Variants in TRIM3 observed in about 807,000 individuals in gnomAD.
TRIM3 encodes the protein tripartite motif-containing protein 3.
A neutral mutation model predicts 66.6 loss-of-function variants in TRIM3; 13 were observed. The ratio of observed to expected loss-of-function variants is 0.20; its 90% CI spans 0.13 to 0.31. TRIM3 has a LOEUF of 0.31. Among genes scored for constraint, TRIM3 ranks in the 10% least tolerant of loss-of-function variants. The pLI is 1.00. For missense variants in TRIM3, 711 were observed against 1,020.4 expected (o/e 0.70, Z 4.13); for synonymous variants, 406 against 411.7 (o/e 0.99, Z 0.17).
chr11:6,472,882 GCAAATCATCCC>G (rs1850745156), intron 1 of TRIM3, among the ~76,000 whole-genome samples: 1 of 152,176 alleles, frequency 6.6e-6, no homozygotes, highest in Non-Finnish European at 1.5e-5. Context: ...CAATTCTGCA[GCAAATCATCCC>G]CTGCTTAGGG....
In TRIM3 at chr11:6,473,853, C is replaced by A; in HGVS notation, c.-100G>T. 6.6e-6 allele frequency: 1 copy of A among 152,418 alleles called. No individual in the cohort carries two copies. The highest frequency in any genetic ancestry group is 2.0e-4 in the South Asian group (1 of 5,058). 9.4% of individuals were successfully genotyped at this position (152,418 alleles called of 1,614,324 possible). A position where few individuals can be genotyped will look rare whatever the true frequency, so the allele number is the denominator to read the frequency against. Reference sequence around the variant, plus strand: ...CGGCCACTCTGAAGGGCCCGCGGCGCTGCTACTGCTGCCAGCGCCCGTCCG... The same window carrying A: ...CGGCCACTCTGAAGGGCCCGCGGCGATGCTACTGCTGCCAGCGCCCGTCCG... On this transcript the variant is annotated 5_prime_UTR_variant, in exon 1 of 12. Coordinates refer to ENST00000345851, the MANE Select transcript of TRIM3 (RefSeq NM_033278.4).
chr11:6,453,608 G>A (rs998358079), intron 7 of TRIM3, among the ~76,000 whole-genome samples: 1 of 152,258 alleles, frequency 6.6e-6, no homozygotes, highest in African/African-American at 2.4e-5. Flanking sequence ...TGAGAAGAAT[G>A]TGATTTAACA....
intron 1 of TRIM3, among the ~76,000 whole-genome samples, chr11:6,468,825 G>A (rs574868603): frequency 7.9e-5 from 12 of 152,192 alleles, no homozygotes; most frequent in Admixed American, 2.0e-4. Flanking sequence ...TGTGCTGTTG[G>A]ATGCATTATG....
At chr11:6,468,799 C>T (rs1299821418) in intron 1 of TRIM3, among the ~76,000 whole-genome samples, 1 of 152,166 alleles carries the variant, frequency 6.6e-6, no homozygotes, top group Non-Finnish European at 1.5e-5. Flanking sequence ...ATGAATAGGA[C>T]CAGGTCACCA....
At chr11:6,455,028 T>A (rs1436572288) in intron 7 of TRIM3, among the ~76,000 whole-genome samples, 1 of 152,162 alleles carries the variant, frequency 6.6e-6, no homozygotes, top group East Asian at 1.9e-4. Flanking sequence ...AATTACAATC[T>A]GACCTCAGCT....
rs761434194 is a variant in TRIM3 at position 6,457,846 on chromosome 11, G to A, written c.365C>T (p.Thr122Met). ...ACAGGCCTCACAGTAAAACTCCATC[G>A]TCTGCGGTACAAGGACTCCAGTCGG... is the stretch of plus-strand genomic sequence containing the variant. ...PLSCPNHEGKTMEFYCEACET... is the reference protein window; with the variant it reads ...PLSCPNHEGKMMEFYCEACET... Residue 122 changes from threonine (T) to methionine (M), a missense_variant and splice_region_variant, in exon 4 of 12, where the codon ACG (threonine) becomes ATG (methionine). Thr to Met is a moderately conservative substitution (Grantham distance 81). This residue lies in a region of TRIM3 where 149 missense variants were observed against 240.3 expected (regional missense o/e 0.62). Coordinates refer to ENST00000345851, the MANE Select transcript of TRIM3 (RefSeq NM_033278.4). This position sits in a 1 kb window ranked among gnomAD's most constrained non-coding sequence, Gnocchi z 4.5. The A allele has an allele frequency of 1.8e-5, 29 of 1,614,032 alleles. No homozygotes were observed. Among genetic ancestry groups the A allele is most frequent in the East Asian group, 6.7e-5 (3 of 44,900 alleles).
Position 6,450,660 on chromosome 11 carries a change from A to T in TRIM3, c.1871-39T>A. On this transcript the variant is annotated intron_variant, in intron 9 of 11. Coordinates refer to ENST00000345851, the MANE Select transcript of TRIM3 (RefSeq NM_033278.4). This position sits in a 1 kb window ranked among gnomAD's most constrained non-coding sequence, Gnocchi z 4.8. The stretch of plus-strand genomic sequence containing the variant: ...GTGGTCTTCAGGGCAGTAAGCTGGG[A>T]TGCTGAGTGGGATGGGGAAGAGTAT... The T allele has an allele frequency of 6.3e-7, 1 of 1,591,088 alleles. No individual in the cohort carries two copies. The highest frequency in any genetic ancestry group is 1.1e-5 in the South Asian group (1 of 90,602).
At chr11:6,462,085 A>T (rs1850268167) in intron 2 of TRIM3, among the ~76,000 whole-genome samples, 1 of 152,158 alleles carries the variant, frequency 6.6e-6, no homozygotes, top group South Asian at 2.1e-4. Context: ...TGCCTGGAAC[A>T]ATCTGTCTCC....
In TRIM3 at chr11:6,456,915, G is replaced by T. The variant is rs750762527; in HGVS notation, c.811C>A (p.Arg271Ser). 4 of 1,611,680 alleles carry T rather than the reference G, an allele frequency of 2.5e-6. No homozygotes were observed. The highest frequency in any genetic ancestry group is 3.4e-6 in the Non-Finnish European group (4 of 1,179,976). ...GCCAGCCGCTCTCGCATGTGCTTGCGCACCAGCAACACCTCCGGGGCCGAG... is the reference window on the plus strand; with the variant it reads ...GCCAGCCGCTCTCGCATGTGCTTGCTCACCAGCAACACCTCCGGGGCCGAG... Reference protein sequence around the residue: ...LGSAPEVLLVRKHMRERLAAL... With the variant: ...LGSAPEVLLVSKHMRERLAAL... Residue 271 changes from arginine (R) to serine (S), a missense_variant, in exon 6 of 12, where the codon CGC (arginine) becomes AGC (serine). Transcript: ENST00000345851. This position sits in a 1 kb window ranked among gnomAD's most constrained non-coding sequence, Gnocchi z 6.4.
At chr11:6,459,211 A>G (rs956323873) in intron 2 of TRIM3, among the ~76,000 whole-genome samples, 3 of 152,218 alleles carry the variant, frequency 2.0e-5, no homozygotes, top group African/African-American at 7.2e-5. Context: ...AGCAAGAAGC[A>G]GCATAGTATG....
intron 1 of TRIM3, among the ~76,000 whole-genome samples, chr11:6,468,148 A>T (rs1339995110): frequency 6.6e-6 from 1 of 152,230 alleles, no homozygotes; most frequent in Non-Finnish European, 1.5e-5. Flanking sequence ...TAAAAGAGAA[A>T]TCCAAAGGAC....
In TRIM3 at chr11:6,468,656, G is replaced by A. The variant is rs570298478; in HGVS notation, c.-37-2924C>T. Among the ~76,000 whole-genome samples the A allele has an allele frequency of 3.3e-4, 51 of 152,276 alleles. 1 individual carries two copies. Among genetic ancestry groups the A allele is most frequent in the African/African-American group, 1.2e-3 (48 of 41,540 alleles). The stretch of plus-strand genomic sequence containing the variant: ...AGATTTGGCTGTGGTGGGGTGGCAG[G>A]GGCAGAAGCCACGTCAGAGTGACTG... On this transcript the variant is annotated intron_variant, in intron 1 of 11. Transcript: ENST00000345851.
chr11:6,464,581 T>A lies in TRIM3; in HGVS notation c.131+984A>T, dbSNP rs187684985. 2.2e-4 allele frequency among the ~76,000 whole-genome samples: 33 copies of A among 152,334 alleles called. 1 individual carries two copies. The highest frequency in any genetic ancestry group is 1.9e-3 in the East Asian group (10 of 5,182). On this transcript the variant is annotated intron_variant, in intron 2 of 11. Coordinates refer to ENST00000345851, the MANE Select transcript of TRIM3 (RefSeq NM_033278.4). ...CACTATACTGTTAGCTCTTTAAGAG[T>A]AAGCATTGTAAGTGATGGATACCTT...
At chr11:6,473,422 G>T (rs994302881) in intron 1 of TRIM3, among the ~76,000 whole-genome samples, 2 of 151,620 alleles carry the variant, frequency 1.3e-5, no homozygotes, top group Non-Finnish European at 2.9e-5. Flanking sequence ...GCACCAGGGA[G>T]AAAAGAGCCC....
intron 1 of TRIM3, 103 bp downstream of exon 1, chr11:6,473,682 GAGGCAC>G (rs1850802412): frequency 6.6e-6 from 1 of 152,502 alleles, no homozygotes; most frequent in South Asian, 2.1e-4. Flanking sequence ...TGGGCAGAGA[GAGGCAC>G]AGCTTTTGAA....
At position 6,449,650 on chromosome 11, in the gene TRIM3, T is replaced by C. The variant is rs1849640874; in HGVS notation, c.1942-204A>G. 2.1e-6 allele frequency: 1 copy of C among 474,566 alleles called. No homozygotes were observed. Among genetic ancestry groups the C allele is most frequent in the Non-Finnish European group, 3.7e-6 (1 of 269,852 alleles). The allele number at this position is 474,566 out of a possible 1,614,324, so 29.4% of individuals were successfully genotyped here. On this transcript the variant is annotated intron_variant, in intron 10 of 11. Transcript: ENST00000345851. This position sits in a 1 kb window ranked among gnomAD's most constrained non-coding sequence, Gnocchi z 5.3. Reference sequence around the variant, plus strand: ...TGATGTCCATTGGGAATATCAAATCTAACAGCTCATTTTCTTTGGGAAATC... The same window carrying C: ...TGATGTCCATTGGGAATATCAAATCCAACAGCTCATTTTCTTTGGGAAATC...
intron 8 of TRIM3, 38 bp downstream of exon 8, chr11:6,451,233 G>A: frequency 6.2e-7 from 1 of 1,612,578 alleles, no homozygotes; most frequent in Non-Finnish European, 8.5e-7. Flanking sequence ...CAGTTCAGCT[G>A]GACACCAGGG....
chr11:6,450,689 G>C lies in TRIM3; in HGVS notation c.1871-68C>G, dbSNP rs939418178. 1 of 1,525,354 alleles carries C rather than the reference G, an allele frequency of 6.6e-7. No individual in the cohort carries two copies. Among genetic ancestry groups the C allele is most frequent in the South Asian group, 1.1e-5 (1 of 89,264 alleles). The allele number at this position is 1,525,354 out of a possible 1,614,324, so 94.5% of individuals were successfully genotyped here. A position where few individuals can be genotyped will look rare whatever the true frequency, so the allele number is the denominator to read the frequency against. ...TGAGTGGGATGGGGAAGAGTATCTG[G>C]GAAGATAAAAGCTAGGGTGTTAGGA... On this transcript the variant is annotated intron_variant, in intron 9 of 11. Transcript: ENST00000345851. The surrounding 1 kb of genome is among the most constrained non-coding windows in gnomAD (Gnocchi z 4.8).
At chr11:6,472,095 A>G (rs1010995235) in intron 1 of TRIM3, among the ~76,000 whole-genome samples, 1 of 152,204 alleles carries the variant, frequency 6.6e-6, no homozygotes, top group Non-Finnish European at 1.5e-5. Context: ...AGCTATGACT[A>G]CATCCTCAAT....
Sources: gnomAD v4.1 joint callset for allele counts (sites outside exome capture counted in the v4.1 genomes callset) on GRCh38, gnomAD v4.1.1 for gene constraint, gnomAD v4.1.1 regional missense constraint, Gnocchi (gnomAD v3.1) non-coding constraint, MANE v1.5 for transcripts, NCBI Gene and HGNC (gene_info 2026-07-23, HGNC 2026-07-21) for gene names.